The following ANK3 variants were observed in gnomAD, a reference collection of about 807,000 sequenced individuals.
ANK3 encodes ankyrin 3.
Under a neutral mutation model 370.9 loss-of-function variants are expected in ANK3, and 57 were observed. The observed-to-expected ratio is 0.15, with a 90% confidence interval of 0.12 to 0.19. The LOEUF (loss-of-function observed/expected upper bound fraction) is 0.19, where lower values mean the gene tolerates loss of function less well. Among genes scored for constraint, ANK3 ranks in the 10% least tolerant of loss-of-function variants. The pLI is 1.00. For missense variants in ANK3, 4,439 were observed against 5,302.1 expected, an observed-to-expected ratio of 0.84 and a Z score of 5.06; for synonymous variants, 1,929 against 1,946.3, an observed-to-expected ratio of 0.99 and a Z score of 0.23.
rs1412239908 is a variant in ANK3 at position 60,073,148 on chromosome 10, T to C, written c.7733A>G (p.Asp2578Gly). Residue 2578 changes from aspartate to glycine, a missense_variant, in exon 37 of 44, where the codon GAC becomes GGC. Physicochemically the swap from Asp to Gly is moderately conservative, Grantham distance 94 (BLOSUM62 -1). Transcript: ENST00000280772. The part of the protein sequence containing the change: ...REKLIYEDRV[D>G]RTVKEAEEKL... ...TTCTTCAGCCTCCTTCACAGTCCTG[T>C]CCACCCTATCTTCATATATCAACTT... The C allele has an allele frequency of 3.1e-6, 5 of 1,614,026 alleles. No individual in the cohort carries two copies. The highest frequency in any genetic ancestry group is 1.3e-5 in the African/African-American group (1 of 74,928).
At chr10:60,145,797 A>C (rs1395218609) in intron 23 of ANK3, among the ~76,000 whole-genome samples, 1 of 152,188 alleles carries the variant, frequency 6.6e-6, no homozygotes, top group East Asian at 1.9e-4. Context: ...CGTAATCAAA[A>C]TGTAAGCTCC....
intron 1 of ANK3, among the ~76,000 whole-genome samples, chr10:60,648,777 A>AAAAAT (rs2078746877): frequency 6.6e-6 from 1 of 150,544 alleles, no homozygotes; most frequent in Non-Finnish European, 1.5e-5. Context: ...TAAAAAAAAA[A>AAAAAT]AAAAAAAATT....
intron 40 of ANK3, chr10:60,059,787 T>C: frequency 6.2e-7 from 1 of 1,614,232 alleles, no homozygotes; most frequent in Non-Finnish European, 8.5e-7. Flanking sequence ...TTTGCTGTCT[T>C]CTAAGGAAGC....
intron 1 of ANK3, among the ~76,000 whole-genome samples, chr10:60,727,433 T>A (rs902631744): frequency 3.9e-5 from 6 of 152,164 alleles, no homozygotes; most frequent in African/African-American, 1.4e-4. Context: ...GTTGGGAGTT[T>A]AACTGGAAAA....
intron 2 of ANK3, among the ~76,000 whole-genome samples, chr10:60,446,948 T>C (rs888300863): frequency 2.0e-5 from 3 of 152,188 alleles, no homozygotes; most frequent in Non-Finnish European, 4.4e-5. Flanking sequence ...CTGGGTCTTG[T>C]ATGTAAGAAG....
rs78446729 is a variant in ANK3, at chr10:60,406,231, G to A, written c.97-126592C>T. Among the ~76,000 whole-genome samples the A allele has an allele frequency of 2.9e-3, 445 of 152,252 alleles. 4 individuals are homozygous for A. The highest frequency in any genetic ancestry group is 0.016 in the Admixed American group (246 of 15,302). On this transcript the variant is annotated intron_variant, in intron 2 of 43. Coordinates refer to the ANK3 transcript ENST00000373827. ...GCATGAAAACAGCCATAGATGATAC[G>A]TAAATGGACATGGCTGCATTCCAAT...
intron 40 of ANK3, chr10:60,060,063 AAC>A (rs771457846): frequency 7.5e-7 from 1 of 1,339,588 alleles, no homozygotes; most frequent in Non-Finnish European, 1.0e-6. Context: ...ATCAAACAAA[AAC>A]ACATGGAATG....
intron 2 of ANK3, among the ~76,000 whole-genome samples, chr10:60,421,488 G>C (rs1355524012): frequency 6.6e-6 from 1 of 152,004 alleles, no homozygotes; most frequent in Non-Finnish European, 1.5e-5. Flanking sequence ...CTACCAGCCT[G>C]TGAAACTAGA....
chr10:60,068,052 A>T, intron 37 of ANK3, 43 bp from the exon 38 acceptor site: 2 of 1,564,122 alleles, frequency 1.3e-6, no homozygotes, highest in Non-Finnish European at 1.8e-6. Flanking sequence ...ATCAAGAAAG[A>T]TACGATACTG....
intron 24 of ANK3, chr10:60,137,423 G>GA: frequency 3.7e-6 from 1 of 267,898 alleles, no homozygotes. Context: ...ATCAGACAGG[G>GA]AAAAAAGAAA....
At chr10:60,226,564 C>CTATGTATATATACT (rs1565823190) in intron 8 of ANK3, among the ~76,000 whole-genome samples, 1 of 25,856 alleles carries the variant, frequency 3.9e-5, no homozygotes, top group Non-Finnish European at 6.9e-5. Flanking sequence ...AGTATATATA[C>CTATGTATATATACT]ATAGTATATG....
chr10:60,385,758 C>T (rs955508132), intron 1 of ANK3, among the ~76,000 whole-genome samples: 1 of 152,104 alleles, frequency 6.6e-6, no homozygotes, highest in Non-Finnish European at 1.5e-5. Flanking sequence ...CTGTTGAGAG[C>T]AAACTCCAAA....
chr10:60,426,189 T>A (rs2063883343), intron 2 of ANK3, among the ~76,000 whole-genome samples: 1 of 152,066 alleles, frequency 6.6e-6, no homozygotes, highest in South Asian at 2.1e-4. Flanking sequence ...GATCTCCCCT[T>A]GATTCCTGCT....
At chr10:60,174,718 T>C (rs972009355) in intron 18 of ANK3, among the ~76,000 whole-genome samples, 1 of 152,106 alleles carries the variant, frequency 6.6e-6, no homozygotes, top group African/African-American at 2.4e-5. Context: ...GTTGATTAGG[T>C]ATATATAGTT....
chr10:60,693,841 C>A (rs1589037653), intron 1 of ANK3, among the ~76,000 whole-genome samples: 1 of 152,174 alleles, frequency 6.6e-6, no homozygotes, highest in Non-Finnish European at 1.5e-5. Context: ...ATGCAGAGCA[C>A]CTCTCCTCCT....
At chr10:60,394,574 G>A (rs59129673), upstream of ANK3, among the ~76,000 whole-genome samples, 2,825 of 152,234 alleles carry the variant, frequency 0.019, 91 homozygotes, top group African/African-American at 0.064. Flanking sequence ...ACAGGAACAG[G>A]CACATGAGGA....
Position 60,073,923 on chromosome 10 carries a change from T to G in ANK3, c.6958A>C (p.Asn2320His). ...CGCTCCAGTTTGGGTTTCATTTGGTTGTCCTTCTCTGCATGCTGGGCTGAG... is the reference window on the plus strand; with the variant it reads ...CGCTCCAGTTTGGGTTTCATTTGGTGGTCCTTCTCTGCATGCTGGGCTGAG... ...ETSAQHAEKDNQMKPKLERII... is the reference protein window; with the variant it reads ...ETSAQHAEKDHQMKPKLERII... The change falls in exon 37 of 44, where the codon AAC becomes CAC. Residue 2320 changes from asparagine to histidine, a missense_variant. By Grantham distance (68) the Asn-to-His change is moderately conservative. Around this residue, in one of 13 missense-constraint regions of ANK3, gnomAD observed 1,601 missense variants for 1,731.7 expected, o/e 0.92. Coordinates refer to ENST00000280772, the MANE Select transcript of ANK3 (RefSeq NM_020987.5). 6.2e-7 allele frequency: 1 copy of G among 1,614,086 alleles called. No individual in the cohort carries two copies. The highest frequency in any genetic ancestry group is 8.5e-7 in the Non-Finnish European group (1 of 1,179,990).
chr10:60,084,812 G>A lies in ANK3; in HGVS notation c.3864C>T (p.Cys1288=), dbSNP rs2086252897. ...ACCCCACAGTTTCTAAAACTTGATG[G>A]CAGTCTGCAAGCCAAAATCTGAGCA... ...NVSARFWLAD[C]HQVLETVGLA... The change falls in exon 32 of 44, where the codon TGC becomes TGT. Residue 1288 remains cysteine, a synonymous_variant. Transcript: ENST00000280772. The A allele has an allele frequency of 1.3e-6, 2 of 1,551,358 alleles. No homozygotes were observed. Among genetic ancestry groups the A allele is most frequent in the Non-Finnish European group, 1.7e-6 (2 of 1,151,500 alleles).
At chr10:60,277,935 A>C (rs1463227809) in intron 4 of ANK3, among the ~76,000 whole-genome samples, 1 of 152,210 alleles carries the variant, frequency 6.6e-6, no homozygotes, top group Non-Finnish European at 1.5e-5. Context: ...AATTATGATG[A>C]TGTTTGCTTT....
Sources: allele counts gnomAD v4.1 joint callset (sites outside exome capture counted in the v4.1 genomes callset), GRCh38; gene constraint gnomAD v4.1.1; regional missense constraint gnomAD v4.1.1; transcripts MANE v1.5; gene names NCBI Gene and HGNC (gene_info 2026-07-23, HGNC 2026-07-21).